ADAMTS2: variants seen among roughly 807,000 people sequenced by gnomAD.
The protein encoded by ADAMTS2 is A disintegrin and metalloproteinase with thrombospondin motifs 2.
ADAMTS2 carries 50 observed loss-of-function variants against 123.0 expected under a neutral mutation model. That is an observed-to-expected ratio of 0.41 (90% CI 0.32 to 0.51). The LOEUF (loss-of-function observed/expected upper bound fraction) is 0.51, where lower values mean the gene tolerates loss of function less well. Among genes scored for constraint, ADAMTS2 ranks in the 20% least tolerant of loss-of-function variants. The pLI is 0.35. For missense variants in ADAMTS2, 1,494 were observed against 1,705.2 expected, an observed-to-expected ratio of 0.88 and a Z score of 2.18; for synonymous variants, 678 against 695.4, an observed-to-expected ratio of 0.98 and a Z score of 0.39.
intron 2 of ADAMTS2, among the ~76,000 whole-genome samples, chr5:179,281,922 T>C (rs535456618): frequency 1.3e-5 from 2 of 152,384 alleles, no homozygotes; most frequent in East Asian, 3.9e-4. Context: ...CATCTTTTCA[T>C]GAGCTTATAG....
At position 179,185,282 on chromosome 5, in the gene ADAMTS2, T is replaced by C. The variant is rs777951570; in HGVS notation, c.892-4127A>G. ...GATGGAAGGGGTCAAGATGTGGGAA[T>C]GTGGGGTTCAGCTTTGGGGATGAGT... On this transcript the variant is annotated intron_variant, in intron 4 of 21. Transcript: ENST00000251582. The surrounding 1 kb of genome is among the most constrained non-coding windows in gnomAD (Gnocchi z 5.9). Among the ~76,000 whole-genome samples, 11 of 152,128 alleles carry C rather than the reference T, an allele frequency of 7.2e-5. No individual in the cohort carries two copies. The highest frequency in any genetic ancestry group is 1.5e-4 in the Non-Finnish European group (10 of 68,024).
rs932649079 is a variant in ADAMTS2, at chr5:179,285,678, C to T, written c.535-12614G>A. On this transcript the variant is annotated intron_variant, in intron 2 of 21. Coordinates refer to ENST00000251582, the MANE Select transcript of ADAMTS2 (RefSeq NM_014244.5). This position sits in a 1 kb window ranked among gnomAD's most constrained non-coding sequence, Gnocchi z 4.9. ...TGGCTGACATTTCCCAGGTCTCGTT[C>T]AGCATGAAGCCCACGTCGGGGAACG... 6.6e-6 allele frequency among the ~76,000 whole-genome samples: 1 copy of T among 152,212 alleles called. No individual in the cohort carries two copies. The highest frequency in any genetic ancestry group is 6.5e-5 in the Admixed American group (1 of 15,288).
chr5:179,183,040 A>G (rs1385561248), intron 4 of ADAMTS2, among the ~76,000 whole-genome samples: 1 of 152,182 alleles, frequency 6.6e-6, no homozygotes, highest in Admixed American at 6.5e-5. Context: ...TGCAGGTGCA[A>G]TGGAATGGTG....
At chr5:179,322,106 G>A (rs993049470) in intron 2 of ADAMTS2, among the ~76,000 whole-genome samples, 1 of 152,214 alleles carries the variant, frequency 6.6e-6, no homozygotes, top group Non-Finnish European at 1.5e-5. Flanking sequence ...AAAGCTAATG[G>A]CACTGCAGGG....
intron 2 of ADAMTS2, among the ~76,000 whole-genome samples, chr5:179,276,080 C>A (rs1031703119): frequency 3.3e-5 from 5 of 152,086 alleles, no homozygotes; most frequent in African/African-American, 1.2e-4. Flanking sequence ...CCTGCAGGCC[C>A]CACGCTTCTG....
intron 5 of ADAMTS2, among the ~76,000 whole-genome samples, chr5:179,159,283 C>G (rs1052213555): frequency 6.6e-6 from 1 of 152,166 alleles, no homozygotes; most frequent in African/African-American, 2.4e-5. Flanking sequence ...AAAGAGCTCA[C>G]AGTTTTGGGA....
rs767742506 is a variant in ADAMTS2 at position 179,130,792 on chromosome 5, C to T, written c.2291-694G>A. ...TGAGAAAATCATTCCCTGTCACGTC[C>T]CCTGTAATTCTGTCCACTCACAAAC... On this transcript the variant is annotated intron_variant, in intron 15 of 21. Transcript: ENST00000251582. This position sits in a 1 kb window ranked among gnomAD's most constrained non-coding sequence, Gnocchi z 4.3. Among the ~76,000 whole-genome samples, 203 of 152,244 alleles carry T rather than the reference C, an allele frequency of 1.3e-3. No individual in the cohort carries two copies. Among genetic ancestry groups the T allele is most frequent in the Middle Eastern group, 3.4e-3 (1 of 292 alleles).
chr5:179,237,308 C>T (rs1325274280), intron 3 of ADAMTS2, among the ~76,000 whole-genome samples: 1 of 152,012 alleles, frequency 6.6e-6, no homozygotes, highest in Non-Finnish European at 1.5e-5. Flanking sequence ...TAAAAGAGGC[C>T]CCAGAGAGCT....
intron 2 of ADAMTS2, among the ~76,000 whole-genome samples, chr5:179,296,093 G>A (rs1012832787): frequency 2.6e-5 from 4 of 152,228 alleles, no homozygotes; most frequent in African/African-American, 7.2e-5. Context: ...TGCCTCGGAC[G>A]ATGCAGTGAT....
At chr5:179,280,960 C>T (rs573042324) in intron 2 of ADAMTS2, among the ~76,000 whole-genome samples, 2 of 152,238 alleles carry the variant, frequency 1.3e-5, no homozygotes, top group East Asian at 1.9e-4. Context: ...CATTTTTAAG[C>T]GATTCTCCTG....
intron 2 of ADAMTS2, among the ~76,000 whole-genome samples, chr5:179,276,144 C>T (rs1034340143): frequency 6.6e-6 from 1 of 152,140 alleles, no homozygotes; most frequent in Non-Finnish European, 1.5e-5. Context: ...TCAGCAGATG[C>T]CTGTGGAATG....
chr5:179,249,027 A>G (rs1765863535), intron 3 of ADAMTS2, among the ~76,000 whole-genome samples: 1 of 152,180 alleles, frequency 6.6e-6, no homozygotes, highest in East Asian at 1.9e-4. Context: ...GACTGAAACC[A>G]TACAAAGCAT....
chr5:179,193,260 T>C lies in ADAMTS2; in HGVS notation c.892-12105A>G, dbSNP rs369291998. 1.5e-3 allele frequency among the ~76,000 whole-genome samples: 232 copies of C among 152,338 alleles called. 2 individuals are homozygous for C. Among genetic ancestry groups the C allele is most frequent in the African/African-American group, 5.4e-3 (225 of 41,584 alleles). On this transcript the variant is annotated intron_variant, in intron 4 of 21. Transcript: ENST00000251582. ...TGGCTGGGGCTCTTCCCAGACATCA[T>C]GGGCCGAGTGAACAACTGCTCGCCT... is the stretch of plus-strand genomic sequence containing the variant.
At chr5:179,212,919 T>C (rs1358235494) in intron 3 of ADAMTS2, among the ~76,000 whole-genome samples, 1 of 152,112 alleles carries the variant, frequency 6.6e-6, no homozygotes, top group African/African-American at 2.4e-5. Flanking sequence ...TCACCTGCGA[T>C]GCCCTTTTTG....
chr5:179,117,407 G>A lies in ADAMTS2; in HGVS notation c.3179-3083C>T, dbSNP rs1258875924. On this transcript the variant is annotated intron_variant, in intron 21 of 21. Coordinates refer to ENST00000251582, the MANE Select transcript of ADAMTS2 (RefSeq NM_014244.5). The surrounding 1 kb of genome is among the most constrained non-coding windows in gnomAD (Gnocchi z 4.2). ...TTATCCACATCTCCACTCCCTCACT[G>A]TCTCCCCCACCAGGCTGGGATCCCT... Among the ~76,000 whole-genome samples, 1 of 152,128 alleles carries A rather than the reference G, an allele frequency of 6.6e-6. No homozygotes were observed. Among genetic ancestry groups the A allele is most frequent in the South Asian group, 2.1e-4 (1 of 4,826 alleles).
rs549213898 is a variant in ADAMTS2 at position 179,318,241 on chromosome 5, G to T, written c.534+25526C>A. Among the ~76,000 whole-genome samples, 4 of 152,332 alleles carry T rather than the reference G, an allele frequency of 2.6e-5. No homozygotes were observed. In the South Asian group the frequency reaches 8.3e-4, roughly 32 times the overall value. Reference sequence around the variant, plus strand: ...TAACTAGCCCCTTCCAATTAGTGAGGAATAAAATGGCAGCATTTACTCTGA... The same window carrying T: ...TAACTAGCCCCTTCCAATTAGTGAGTAATAAAATGGCAGCATTTACTCTGA... On this transcript the variant is annotated intron_variant, in intron 2 of 21. Transcript: ENST00000251582.
In ADAMTS2 at chr5:179,175,119, T is replaced by C. The variant is rs112563193; in HGVS notation, c.975+5953A>G. Among the ~76,000 whole-genome samples the C allele has an allele frequency of 2.1e-4, 23 of 110,592 alleles. No individual in the cohort carries two copies. Among genetic ancestry groups the C allele is most frequent in the East Asian group, 8.8e-4 (3 of 3,420 alleles). The allele number at this position is 110,592 out of a possible 152,430, so 72.6% of individuals were successfully genotyped here. On this transcript the variant is annotated intron_variant, in intron 5 of 21. Coordinates refer to ENST00000251582, the MANE Select transcript of ADAMTS2 (RefSeq NM_014244.5). The surrounding 1 kb of genome is among the most constrained non-coding windows in gnomAD (Gnocchi z 4.1). ...CGCAGCTGTCTCAGCCATTCTTGAC[T>C]GTTCATGTTCCTTTGGAGGAAGTCT...
intron 2 of ADAMTS2, among the ~76,000 whole-genome samples, chr5:179,309,558 C>A (rs530298223): frequency 6.6e-6 from 1 of 152,170 alleles, no homozygotes; most frequent in East Asian, 1.9e-4. Context: ...GAAATAGAGA[C>A]CATCGTGGCT....
intron 3 of ADAMTS2, among the ~76,000 whole-genome samples, chr5:179,233,204 CTG>C (rs1561610515): frequency 6.6e-6 from 1 of 152,222 alleles, no homozygotes; most frequent in African/African-American, 2.4e-5. Flanking sequence ...TAAAAAACTT[CTG>C]TGTCTGTGTA....
Sources: gnomAD v4.1 joint callset for allele counts (sites outside exome capture counted in the v4.1 genomes callset) on GRCh38, gnomAD v4.1.1 for gene constraint, Gnocchi (gnomAD v3.1) non-coding constraint, MANE v1.5 for transcripts, NCBI Gene and HGNC (gene_info 2026-07-23, HGNC 2026-07-21) for gene names.